Variants in VTI1A observed in about 807,000 individuals in gnomAD.
VTI1A encodes vesicle transport through interaction with t-SNAREs 1A, also known as vesicle transport through interaction with t-SNAREs homolog 1A.
VTI1A carries 22 observed loss-of-function variants against 34.9 expected under a neutral mutation model. That is an observed-to-expected ratio of 0.63 (90% CI 0.45 to 0.90). VTI1A has a LOEUF of 0.90. Ranked by LOEUF, VTI1A falls within the 40% of genes least tolerant of loss-of-function variation. VTI1A has a pLI of 0.00. For synonymous variants in VTI1A, 87 were observed against 97.3 expected (o/e 0.89, Z 0.62); for missense variants, 268 against 275.6 (o/e 0.97, Z 0.20).
chr10:112,601,459 A>G (rs190207423), intron 5 of VTI1A, among the ~76,000 whole-genome samples: 66 of 147,738 alleles, frequency 4.5e-4, no homozygotes, highest in Middle Eastern at 3.5e-3. Context: ...GACTATTTCT[A>G]TGGGGAATCT....
rs60314451 is a variant in VTI1A, at chr10:112,481,665, A to G, written c.264+17008A>G. On this transcript the variant is annotated intron_variant, in intron 3 of 7. Coordinates refer to ENST00000393077, the MANE Select transcript of VTI1A (RefSeq NM_145206.4). ...AATTTTGTACAAGAATTGTCAAGAA[A>G]TTGCTAGTAATCTGTAATCAGAGAA... 5.5e-3 allele frequency among the ~76,000 whole-genome samples: 831 copies of G among 152,314 alleles called. 2 individuals are homozygous for G. The highest frequency in any genetic ancestry group is 0.019 in the African/African-American group (801 of 41,562).
chr10:112,580,689 G>C (rs1843895302), intron 5 of VTI1A, among the ~76,000 whole-genome samples: 1 of 152,124 alleles, frequency 6.6e-6, no homozygotes, highest in Admixed American at 6.5e-5. Flanking sequence ...CTAACTGTGG[G>C]AGGCAGGCCA....
intron 5 of VTI1A, among the ~76,000 whole-genome samples, chr10:112,638,451 T>C (rs1846444633): frequency 6.6e-6 from 1 of 152,188 alleles, no homozygotes. Context: ...ACCCTAAACA[T>C]TTACTTATTT....
chr10:112,653,759 A>C (rs182648673), intron 5 of VTI1A, among the ~76,000 whole-genome samples: 17 of 152,344 alleles, frequency 1.1e-4, no homozygotes, highest in Non-Finnish European at 1.9e-4. Context: ...CCTGTAAGCA[A>C]TAAACTTTTG....
intron 5 of VTI1A, among the ~76,000 whole-genome samples, chr10:112,618,950 G>C (rs914151202): frequency 1.3e-5 from 2 of 152,016 alleles, no homozygotes; most frequent in African/African-American, 4.8e-5. Flanking sequence ...AGCCTATCAT[G>C]ACAATCAACC....
At chr10:112,635,324 C>G (rs1456452857) in intron 5 of VTI1A, among the ~76,000 whole-genome samples, 1 of 152,122 alleles carries the variant, frequency 6.6e-6, no homozygotes, top group Non-Finnish European at 1.5e-5. Context: ...AGTGTTTTAG[C>G]AGAACCGTGA....
chr10:112,629,357 A>G (rs1305350720), intron 5 of VTI1A, among the ~76,000 whole-genome samples: 1 of 152,212 alleles, frequency 6.6e-6, no homozygotes, highest in Non-Finnish European at 1.5e-5. Flanking sequence ...TTTTCCTCCT[A>G]CACTATTCCT....
chr10:112,773,037 C>T (rs1296621258), intron 7 of VTI1A, among the ~76,000 whole-genome samples: 3 of 152,192 alleles, frequency 2.0e-5, no homozygotes, highest in Non-Finnish European at 4.4e-5. Flanking sequence ...CCAATAAGGT[C>T]GTGATTTAGT....
At position 112,711,129 on chromosome 10, in the gene VTI1A, G is replaced by GA. The variant is rs200327971; in HGVS notation, c.560+42137dup. On this transcript the variant is annotated intron_variant, in intron 7 of 7. Coordinates refer to ENST00000393077, the MANE Select transcript of VTI1A (RefSeq NM_145206.4). ...TTTAAATTCAGGCTCCCAATCTGTA[G>GA]AAAAAATCAATGAGTTAATGAATAG... is the stretch of plus-strand genomic sequence containing the variant. Among the ~76,000 whole-genome samples, 32 of 152,246 alleles carry GA rather than the reference G, an allele frequency of 2.1e-4. No individual in the cohort carries two copies. In the East Asian group the frequency reaches 4.1e-3, roughly 19 times the overall value.
chr10:112,688,761 A>G (rs1005545976), intron 7 of VTI1A, among the ~76,000 whole-genome samples: 1 of 150,914 alleles, frequency 6.6e-6, no homozygotes, highest in South Asian at 2.1e-4. Context: ...CTGGTCTCAA[A>G]CTCCTGAGCT....
chr10:112,645,040 T>C (rs930858476), intron 5 of VTI1A, among the ~76,000 whole-genome samples: 1 of 152,252 alleles, frequency 6.6e-6, no homozygotes, highest in Non-Finnish European at 1.5e-5. Flanking sequence ...CAAAGTTTTC[T>C]ATCAAGTAGA....
intron 7 of VTI1A, among the ~76,000 whole-genome samples, chr10:112,719,198 A>T (rs1849707949): frequency 6.6e-6 from 1 of 152,358 alleles, no homozygotes; most frequent in African/African-American, 2.4e-5. Context: ...AGTAAAATAA[A>T]AGAAATATAT....
chr10:112,854,916 G>A, the VTI1A span, among the ~76,000 whole-genome samples: 6 of 152,296 alleles, frequency 3.9e-5, no homozygotes, highest in South Asian at 2.1e-4. Context: ...CTCTCCTTCC[G>A]GGCCTCAGTG....
intron 3 of VTI1A, among the ~76,000 whole-genome samples, chr10:112,514,325 T>C (rs546374953): frequency 6.6e-6 from 1 of 152,098 alleles, no homozygotes; most frequent in Admixed American, 6.5e-5. Flanking sequence ...CTTATGATCC[T>C]TTGTATTTCA....
intron 7 of VTI1A, among the ~76,000 whole-genome samples, chr10:112,701,536 T>C (rs1849010477): frequency 6.6e-6 from 1 of 152,232 alleles, no homozygotes; most frequent in South Asian, 2.1e-4. Context: ...AGGCTCAAGA[T>C]CAAATGATTG....
At chr10:112,842,148 C>T in the VTI1A span, among the ~76,000 whole-genome samples, 203 of 146,434 alleles carry the variant, frequency 1.4e-3, no homozygotes, top group Non-Finnish European at 1.7e-3. Flanking sequence ...CTGCAACCTC[C>T]GCCTCCCAGG....
chr10:112,575,443 A>G (rs1001045284), intron 5 of VTI1A, among the ~76,000 whole-genome samples: 1 of 152,204 alleles, frequency 6.6e-6, no homozygotes, highest in Non-Finnish European at 1.5e-5. Context: ...CTCTCTTTGC[A>G]AGAGTGGATA....
chr10:112,468,705 C>T (rs1236268319), intron 3 of VTI1A, among the ~76,000 whole-genome samples: 6 of 152,186 alleles, frequency 3.9e-5, no homozygotes, highest in Non-Finnish European at 4.4e-5. Context: ...TGTGTGTTAT[C>T]ATCTTTCCTG....
intron 7 of VTI1A, among the ~76,000 whole-genome samples, chr10:112,763,391 A>T (rs2134011238): frequency 6.6e-6 from 1 of 150,900 alleles, no homozygotes; most frequent in South Asian, 2.1e-4. Context: ...GTGAGCAGAG[A>T]TCACGCCACT....
Sources: allele counts gnomAD v4.1 joint callset (sites outside exome capture counted in the v4.1 genomes callset), GRCh38; gene constraint gnomAD v4.1.1; transcripts MANE v1.5; gene names NCBI Gene and HGNC (gene_info 2026-07-23, HGNC 2026-07-21).